Variants in DAOA observed in about 807,000 individuals in gnomAD.
DAOA encodes D-amino acid oxidase activator.
In DAOA, 15 loss-of-function variants were observed where a neutral mutation model predicts 16.4. The observed-to-expected ratio is 0.91, with a 90% CI of 0.61 to 1.41. The LOEUF (loss-of-function observed/expected upper bound fraction) is 1.41. DAOA is among the 40% of genes most tolerant of loss of function. The pLI, the probability that DAOA is intolerant of heterozygous loss-of-function variation, is 0.00. For missense variants in DAOA, 230 were observed against 176.8 expected (o/e 1.30, Z -1.71); for synonymous variants, 75 against 59.1 (o/e 1.27, Z -1.23).
At chr13:105,486,326 G>A (rs144720017) in intron 4 of DAOA, among the ~76,000 whole-genome samples, 2 of 151,830 alleles carry the variant, frequency 1.3e-5, no homozygotes, top group Non-Finnish European at 2.9e-5. Flanking sequence ...CCTCTCCTTG[G>A]AATACTTTTT....
intron 4 of DAOA, among the ~76,000 whole-genome samples, chr13:105,486,104 G>T (rs952217673): frequency 6.6e-6 from 1 of 152,090 alleles, no homozygotes. Flanking sequence ...TTGTAAAAAA[G>T]CAAATTGGAA....
chr13:105,468,736 G>T (rs895894293), intron 3 of DAOA, among the ~76,000 whole-genome samples: 2 of 152,194 alleles, frequency 1.3e-5, no homozygotes, highest in African/African-American at 2.4e-5. Flanking sequence ...AGCTAAGAAT[G>T]TTGGAAGGAA....
chr13:105,466,183 T>A, intron 1 of DAOA, 33 bp from the exon 2 acceptor site: 1 of 1,555,308 alleles, frequency 6.4e-7, no homozygotes, highest in African/African-American at 1.4e-5. Flanking sequence ...AAGTAAAAGC[T>A]TACTAGTGTA....
At chr13:105,474,549 C>T (rs375625125) in intron 4 of DAOA, among the ~76,000 whole-genome samples, 13 of 152,142 alleles carry the variant, frequency 8.5e-5, no homozygotes, top group South Asian at 4.2e-4. Flanking sequence ...GCTACAAATT[C>T]GTAATCAATT....
In DAOA at chr13:105,466,492, C is replaced by A. The variant is rs902619796; in HGVS notation, c.44+160C>A. ...GTATATGGTTCAGCCTTACTTTCTC[C>A]CATATTCTGTCAGTCAAAGGAGAAC... On this transcript the variant is annotated intron_variant, in intron 2 of 5. Coordinates refer to ENST00000375936, the MANE Select transcript of DAOA (RefSeq NM_172370.5). The A allele has an allele frequency of 1.1e-5, 13 of 1,206,126 alleles. No homozygotes were observed. In the Admixed American group the frequency reaches 1.6e-4, roughly 15 times the overall value. The allele number at this position is 1,206,126 out of a possible 1,614,324, so 74.7% of individuals were successfully genotyped here.
chr13:105,477,534 C>A (rs757797709), intron 4 of DAOA, among the ~76,000 whole-genome samples: 26 of 152,144 alleles, frequency 1.7e-4, no homozygotes, highest in Non-Finnish European at 3.5e-4. Context: ...TCAAGACCAA[C>A]CAGGGAAACC....
chr13:105,484,387 G>T (rs1181694421), intron 4 of DAOA, among the ~76,000 whole-genome samples: 1 of 152,116 alleles, frequency 6.6e-6, no homozygotes, highest in Admixed American at 6.5e-5. Context: ...TGGGATTACA[G>T]GGAAGCTATA....
At chr13:105,478,292 G>T (rs940458360) in intron 4 of DAOA, among the ~76,000 whole-genome samples, 5 of 152,154 alleles carry the variant, frequency 3.3e-5, no homozygotes, top group Admixed American at 3.3e-4. Context: ...TTAATTAGAG[G>T]ATTTCTGCAA....
chr13:105,480,542 A>AGAT (rs1877655189), intron 4 of DAOA, among the ~76,000 whole-genome samples: 2 of 140,418 alleles, frequency 1.4e-5, no homozygotes, highest in African/African-American at 5.1e-5. Flanking sequence ...ATAGATAGAT[A>AGAT]GATAGATAGA....
At chr13:105,466,564 A>G in intron 2 of DAOA, 1 of 629,624 alleles carries the variant, frequency 1.6e-6, no homozygotes, top group Non-Finnish European at 2.6e-6. Context: ...ATAGGCCCTC[A>G]CCTATCCCTG....
intron 2 of DAOA, 107 bp from the exon 3 acceptor site, chr13:105,466,946 G>C: frequency 7.4e-7 from 1 of 1,349,408 alleles, no homozygotes; most frequent in South Asian, 2.0e-5. Context: ...AAATATGAAA[G>C]TGCTAAACCA....
rs2139160202 is a variant in DAOA, at chr13:105,466,205, T to C, written c.-73-11T>C. On this transcript the variant is annotated splice_polypyrimidine_tract_variant and intron_variant, in intron 1 of 5. Transcript: ENST00000375936. The stretch of plus-strand genomic sequence containing the variant: ...AGCTTACTAGTGTATATGATGATTC[T>C]GTTGGTCCAGGATTTGGAAAGGGCA... 6.2e-7 allele frequency: 1 copy of C among 1,601,424 alleles called. No homozygotes were observed. The highest frequency in any genetic ancestry group is 8.5e-7 in the Non-Finnish European group (1 of 1,173,062).
chr13:105,472,529 C>T lies in DAOA; in HGVS notation c.134-9C>T, dbSNP rs771753916. The T allele has an allele frequency of 2.2e-5, 35 of 1,612,244 alleles. No homozygotes were observed. In the Middle Eastern group the frequency reaches 3.3e-3, roughly 152 times the overall value. ...TATGTATTATATATCCACTTAAATA[C>T]TGTTGCAGCAAAGGAGACAGAAGAA... is the stretch of plus-strand genomic sequence containing the variant. On this transcript the variant is annotated splice_polypyrimidine_tract_variant and intron_variant, in intron 3 of 5. Transcript: ENST00000375936.
chr13:105,479,432 T>C (rs1052785542), intron 4 of DAOA, among the ~76,000 whole-genome samples: 4 of 152,178 alleles, frequency 2.6e-5, no homozygotes, highest in Non-Finnish European at 4.4e-5. Context: ...TTTTAGGCAA[T>C]TTATTGTCTC....
chr13:105,471,474 T>TA (rs1223771157), intron 3 of DAOA, among the ~76,000 whole-genome samples: 3 of 152,126 alleles, frequency 2.0e-5, no homozygotes, highest in African/African-American at 4.8e-5. Flanking sequence ...TCCTTTCATA[T>TA]AAAAAATAAA....
intron 4 of DAOA, among the ~76,000 whole-genome samples, chr13:105,488,260 A>G (rs1878268278): frequency 6.6e-6 from 1 of 152,226 alleles, no homozygotes; most frequent in Non-Finnish European, 1.5e-5. Flanking sequence ...ACATGAAAAC[A>G]TTCTCCTCAC....
intron 3 of DAOA, among the ~76,000 whole-genome samples, chr13:105,468,427 C>A (rs1222492398): frequency 1.3e-5 from 2 of 152,094 alleles, no homozygotes; most frequent in Non-Finnish European, 2.9e-5. Context: ...CTTTGAGTGC[C>A]AAGTTTAGAT....
intron 3 of DAOA, among the ~76,000 whole-genome samples, chr13:105,470,332 T>G (rs558947540): frequency 2.0e-4 from 31 of 152,240 alleles, no homozygotes; most frequent in African/African-American, 7.2e-4. Context: ...TGTGTAGCCA[T>G]GCTGGCAACT....
intron 4 of DAOA, among the ~76,000 whole-genome samples, chr13:105,489,036 A>C (rs78683238): frequency 0.015 from 2,248 of 152,322 alleles, 35 homozygotes; most frequent in African/African-American, 0.043. Flanking sequence ...CAGTGTGAAC[A>C]CACCTATTGC....
Sources: allele counts gnomAD v4.1 joint callset (sites outside exome capture counted in the v4.1 genomes callset), GRCh38; gene constraint gnomAD v4.1.1; transcripts MANE v1.5; gene names NCBI Gene and HGNC (gene_info 2026-07-23, HGNC 2026-07-21).